The following SPPL3 variants were observed in gnomAD, a reference collection of about 807,000 sequenced individuals.
The protein encoded by SPPL3 is signal peptide peptidase like 3, also known as signal peptide peptidase-like 3.
Under a neutral mutation model 42.4 loss-of-function variants are expected in SPPL3, and 5 were observed. The ratio of observed to expected loss-of-function variants is 0.12; its 90% CI spans 0.06 to 0.25. The LOEUF (loss-of-function observed/expected upper bound fraction) is 0.25, where lower values mean the gene tolerates loss of function less well. Ranked by LOEUF, SPPL3 falls within the 10% of genes least tolerant of loss-of-function variation. The probability of loss-of-function intolerance (pLI) is 1.00; values close to 1 mark genes in which losing one functional copy is unlikely to be tolerated. For missense variants in SPPL3, 235 were observed against 489.0 expected (o/e 0.48, Z 4.90); for synonymous variants, 195 against 181.8 (o/e 1.07, Z -0.58).
At chr12:120,845,378 C>T in intron 1 of SPPL3, 1 of 369,030 alleles carries the variant, frequency 2.7e-6, no homozygotes, top group Admixed American at 3.6e-5. Context: ...TCAGTGCTGT[C>T]CACTACAAAA....
chr12:120,762,594 C>CTTTTTTT lies in SPPL3; in HGVS notation c.*2398_*2404dup, dbSNP rs34949455. ...TGACCCACTGCCAGGATAACATTTC[C>CTTTTTTT]TTTTTTTTTTTTTTTTTGAGATGGA... On this transcript the variant is annotated 3_prime_UTR_variant, in exon 11 of 11. Coordinates refer to ENST00000353487, the MANE Select transcript of SPPL3 (RefSeq NM_139015.5). The CTTTTTTT allele has an allele frequency of 7.5e-6, 1 of 132,460 alleles. No homozygotes were observed. 8.2% of individuals were successfully genotyped at this position (132,460 alleles called of 1,614,324 possible). A position where few individuals can be genotyped will look rare whatever the true frequency, so the allele number is the denominator to read the frequency against.
chr12:120,852,971 T>C (rs1255948643), intron 1 of SPPL3, among the ~76,000 whole-genome samples: 1 of 150,892 alleles, frequency 6.6e-6, no homozygotes, highest in Non-Finnish European at 1.5e-5. Flanking sequence ...CTCGGCTTAC[T>C]GCAACCTCCA....
At chr12:120,879,341 C>A (rs1457801496) in intron 1 of SPPL3, among the ~76,000 whole-genome samples, 2 of 151,976 alleles carry the variant, frequency 1.3e-5, no homozygotes, top group Non-Finnish European at 2.9e-5. Flanking sequence ...TTAGAGAATT[C>A]TACGGACTGA....
At chr12:120,895,814 A>T (rs1033640864) in intron 1 of SPPL3, among the ~76,000 whole-genome samples, 3 of 152,218 alleles carry the variant, frequency 2.0e-5, no homozygotes, top group Non-Finnish European at 4.4e-5. Flanking sequence ...ACTAGGACTA[A>T]GACATGGCTA....
intron 6 of SPPL3, among the ~76,000 whole-genome samples, chr12:120,772,337 T>C (rs1334674486): frequency 6.6e-6 from 1 of 152,164 alleles, no homozygotes; most frequent in Non-Finnish European, 1.5e-5. Context: ...GCTTCTTCTA[T>C]GTGATGTGCC....
At chr12:120,814,956 C>T (rs562711317) in intron 1 of SPPL3, among the ~76,000 whole-genome samples, 2 of 152,242 alleles carry the variant, frequency 1.3e-5, no homozygotes, top group East Asian at 1.9e-4. Context: ...CATGATAGTC[C>T]ATTGTGTAGA....
intron 1 of SPPL3, among the ~76,000 whole-genome samples, chr12:120,875,802 G>A (rs931897154): frequency 2.6e-5 from 4 of 152,132 alleles, no homozygotes; most frequent in African/African-American, 9.7e-5. Context: ...CTAAAAGGCA[G>A]ATTGTCAAAC....
chr12:120,853,573 A>G (rs1419866791), intron 1 of SPPL3, among the ~76,000 whole-genome samples: 1 of 152,228 alleles, frequency 6.6e-6, no homozygotes, highest in Non-Finnish European at 1.5e-5. Context: ...ACCAAAGCAC[A>G]TGGAAAGGAA....
intron 1 of SPPL3, among the ~76,000 whole-genome samples, chr12:120,880,710 C>T (rs1373870865): frequency 6.6e-6 from 1 of 151,738 alleles, no homozygotes; most frequent in Non-Finnish European, 1.5e-5. Context: ...TCGCTTGAAC[C>T]CGGAAGGCAG....
At chr12:120,894,671 C>A (rs1306208147) in intron 1 of SPPL3, among the ~76,000 whole-genome samples, 1 of 152,154 alleles carries the variant, frequency 6.6e-6, no homozygotes, top group Non-Finnish European at 1.5e-5. Flanking sequence ...ACTGGCCAGG[C>A]GCAGTGGCTC....
chr12:120,877,844 C>T (rs942270461), intron 1 of SPPL3, among the ~76,000 whole-genome samples: 4 of 148,842 alleles, frequency 2.7e-5, no homozygotes, highest in Admixed American at 2.0e-4. Context: ...GAATGCAGGG[C>T]TGGTTTAATA....
At chr12:120,831,405 C>CT (rs1871422219) in intron 1 of SPPL3, among the ~76,000 whole-genome samples, 1 of 152,146 alleles carries the variant, frequency 6.6e-6, no homozygotes, top group Non-Finnish European at 1.5e-5. Flanking sequence ...AGCATGTTTC[C>CT]TTTTACAAAA....
intron 1 of SPPL3, among the ~76,000 whole-genome samples, chr12:120,812,722 C>T (rs1014841800): frequency 1.3e-5 from 2 of 152,160 alleles, no homozygotes; most frequent in African/African-American, 2.4e-5. Flanking sequence ...AGAAAGGCAG[C>T]AGAATTAAAT....
rs962293535 is a variant in SPPL3 at position 120,903,971 on chromosome 12, T to C, written c.-104A>G. ...GCGCGGCCGGGGTCCGGTGCTTGCT[T>C]GCTTGCTCGCTCGCTGGCTCGCTGG... On this transcript the variant is annotated 5_prime_UTR_variant, in exon 1 of 11. Transcript: ENST00000353487. 2.7e-5 allele frequency: 27 copies of C among 1,006,004 alleles called. No homozygotes were observed. The highest frequency in any genetic ancestry group is 3.5e-5 in the Non-Finnish European group (27 of 779,530). The allele number at this position is 1,006,004 out of a possible 1,614,324, so 62.3% of individuals were successfully genotyped here.
At chr12:120,877,246 A>G (rs1014120553) in intron 1 of SPPL3, among the ~76,000 whole-genome samples, 7 of 152,212 alleles carry the variant, frequency 4.6e-5, no homozygotes, top group Non-Finnish European at 2.9e-5. Context: ...CCTCCCACAA[A>G]GAAAACTCCA....
intron 1 of SPPL3, among the ~76,000 whole-genome samples, chr12:120,867,281 G>A (rs1009057171): frequency 6.6e-6 from 1 of 152,158 alleles, no homozygotes; most frequent in Admixed American, 6.5e-5. Context: ...CTCCATGCAT[G>A]GCAAAGTTTA....
At chr12:120,884,795 GT>G (rs144305547) in intron 1 of SPPL3, among the ~76,000 whole-genome samples, 19 of 118,006 alleles carry the variant, frequency 1.6e-4, no homozygotes, top group African/African-American at 2.8e-4. Flanking sequence ...GTTTTTTTGG[GT>G]TTTTTTTTTG....
intron 2 of SPPL3, among the ~76,000 whole-genome samples, chr12:120,807,567 G>A (rs1333718322): frequency 1.3e-5 from 2 of 151,818 alleles, no homozygotes; most frequent in African/African-American, 4.8e-5. Context: ...CCAACTACTC[G>A]GGAGGCTGAG....
chr12:120,809,021 G>T (rs933057573), intron 2 of SPPL3, among the ~76,000 whole-genome samples: 3 of 152,208 alleles, frequency 2.0e-5, no homozygotes, highest in Middle Eastern at 3.2e-3. Flanking sequence ...GAGTGGTTAT[G>T]AATCTGGAGT....
Sources: allele counts gnomAD v4.1 joint callset (sites outside exome capture counted in the v4.1 genomes callset), GRCh38; gene constraint gnomAD v4.1.1; transcripts MANE v1.5; gene names NCBI Gene and HGNC (gene_info 2026-07-23, HGNC 2026-07-21).